SANBR: variants seen among roughly 807,000 people sequenced by gnomAD.
SANBR encodes SANT and BTB domain regulator of CSR, also known as SANT and BTB domain regulator of class switch recombination.
A neutral mutation model predicts 101.8 loss-of-function variants in SANBR; 77 were observed. That is an observed-to-expected ratio of 0.76 (90% confidence interval 0.63 to 0.91). The LOEUF (loss-of-function observed/expected upper bound fraction) is 0.91, where lower values mean the gene tolerates loss of function less well. Ranked by LOEUF, SANBR falls within the 40% of genes least tolerant of loss-of-function variation. The pLI is 0.00. For synonymous variants in SANBR, 279 were observed against 274.7 expected (o/e 1.02, Z -0.15); for missense variants, 875 against 853.0 (o/e 1.03, Z -0.32).
chr2:61,080,036 A>C (rs575116306), intron 6 of SANBR, among the ~76,000 whole-genome samples: 9 of 151,436 alleles, frequency 5.9e-5, no homozygotes, highest in Admixed American at 2.0e-4. Context: ...GTCTCTACTA[A>C]AAGTACAAAA....
At chr2:61,092,660 A>G in intron 11 of SANBR, 73 bp downstream of exon 11, 3 of 1,201,492 alleles carry the variant, frequency 2.5e-6, no homozygotes, top group Middle Eastern at 2.2e-4. Context: ...CTGCTGTTTA[A>G]TTGATATGTT....
chr2:61,134,096 C>T (rs142408649), intron 20 of SANBR: 1,204 of 1,604,344 alleles, frequency 7.5e-4, no homozygotes, highest in Non-Finnish European at 9.3e-4. Flanking sequence ...GTGTGTATAT[C>T]CATCATGCAT....
intron 1 of SANBR, among the ~76,000 whole-genome samples, chr2:61,066,643 C>T (rs937947347): frequency 6.6e-6 from 1 of 152,266 alleles, no homozygotes; most frequent in Non-Finnish European, 1.5e-5. Flanking sequence ...GCCTGCCTGC[C>T]TGCCCCACGG....
At chr2:61,120,328 C>T (rs949216360) in intron 20 of SANBR, among the ~76,000 whole-genome samples, 6 of 152,104 alleles carry the variant, frequency 3.9e-5, no homozygotes, top group South Asian at 2.1e-4. Flanking sequence ...GGTGAAACCC[C>T]GTCTCCACTA....
chr2:61,075,458 C>T (rs770815403), intron 5 of SANBR, among the ~76,000 whole-genome samples: 4 of 150,158 alleles, frequency 2.7e-5, no homozygotes, highest in Non-Finnish European at 3.0e-5. Flanking sequence ...AGGGTTTCAC[C>T]GGGTTACCCA....
intron 8 of SANBR, 48 bp downstream of exon 8, chr2:61,083,362 A>G (rs377234997): frequency 8.9e-5 from 97 of 1,089,682 alleles, no homozygotes; most frequent in Non-Finnish European, 1.2e-4. Flanking sequence ...GTTAAAAGAA[A>G]TATATTTCTA....
At chr2:61,127,601 C>T (rs1335043332), downstream of SANBR, among the ~76,000 whole-genome samples, 2 of 152,126 alleles carry the variant, frequency 1.3e-5, no homozygotes, top group Non-Finnish European at 2.9e-5. Flanking sequence ...ATAAGCTCAC[C>T]AAAGTGATTA....
Position 61,071,693 on chromosome 2 carries a change from C to G in SANBR, c.238C>G (p.Pro80Ala). 6.2e-7 allele frequency: 1 copy of G among 1,606,072 alleles called. No individual in the cohort carries two copies. Among genetic ancestry groups the G allele is most frequent in the Non-Finnish European group, 8.5e-7 (1 of 1,176,824 alleles). ...YNSLMAAGES[P>A]VETLATYIKS... ...TTCCCTAATGGCTGCTGGAGAGAGT[C>G]CTGTTGAAACTTTAGCCACATATAT... Residue 80 changes from proline to alanine, a missense_variant, in exon 4 of 22, where the codon CCT (proline) becomes GCT (alanine). Physicochemically the swap from Pro to Ala is conservative, Grantham distance 27 (BLOSUM62 -1). Transcript: ENST00000402291.
At chr2:61,081,641 A>T in intron 7 of SANBR, 131 bp downstream of exon 7, 1 of 1,013,612 alleles carries the variant, frequency 9.9e-7, no homozygotes, top group South Asian at 1.8e-5. Flanking sequence ...AAAATTGTTA[A>T]TTCAGGAATA....
intron 16 of SANBR, 53 bp downstream of exon 16, chr2:61,109,349 T>C (rs1683712459): frequency 2.0e-6 from 2 of 1,018,762 alleles, no homozygotes; most frequent in African/African-American, 3.2e-5. Context: ...GGGGTTACAT[T>C]CTGAAGCCTT....
At chr2:61,130,986 A>G (rs1573684708) in intron 20 of SANBR, among the ~76,000 whole-genome samples, 1 of 149,832 alleles carries the variant, frequency 6.7e-6, no homozygotes, top group Non-Finnish European at 1.5e-5. Context: ...ATAGATGCAT[A>G]AAAAGCAATC....
At chr2:61,100,881 C>G (rs1683249241) in intron 12 of SANBR, among the ~76,000 whole-genome samples, 1 of 152,094 alleles carries the variant, frequency 6.6e-6, no homozygotes. Flanking sequence ...ATCACTCTCT[C>G]CAGTAACCCT....
chr2:61,134,185 A>C (rs1367381662), exon 21 of SANBR: 1 of 1,613,050 alleles, frequency 6.2e-7, no homozygotes. Context: ...GAGCAACAGA[A>C]AAAGTGGTTT....
downstream of SANBR, chr2:61,124,290 A>G (rs1684449071): frequency 1.0e-6 from 1 of 954,458 alleles, no homozygotes; most frequent in Non-Finnish European, 1.2e-6. Flanking sequence ...AGTTGTTTGG[A>G]AAGTCTCTTT....
chr2:61,077,643 A>G (rs1049849110), intron 6 of SANBR, among the ~76,000 whole-genome samples: 2 of 152,204 alleles, frequency 1.3e-5, no homozygotes, highest in African/African-American at 4.8e-5. Flanking sequence ...TCCTTGGTAA[A>G]GCAGTAAAAA....
At chr2:61,087,360 C>T (rs1323577302) in intron 8 of SANBR, among the ~76,000 whole-genome samples, 2 of 151,806 alleles carry the variant, frequency 1.3e-5, no homozygotes, top group East Asian at 3.9e-4. Flanking sequence ...AGTCTGAGGC[C>T]AGCCTGGGCA....
intron 10 of SANBR, chr2:61,090,285 A>G (rs540553098): frequency 6.6e-5 from 10 of 152,332 alleles, no homozygotes; most frequent in African/African-American, 1.7e-4. Context: ...TCTTTTTTCT[A>G]TATTACAAAT....
intron 16 of SANBR, 41 bp from the exon 17 acceptor site, chr2:61,115,938 A>AT: frequency 7.9e-7 from 1 of 1,269,892 alleles, no homozygotes; most frequent in Non-Finnish European, 1.1e-6. Flanking sequence ...CTGGAAAAGT[A>AT]TATGGGGCCT....
At chr2:61,114,649 G>A (rs935351436) in intron 16 of SANBR, among the ~76,000 whole-genome samples, 1 of 152,054 alleles carries the variant, frequency 6.6e-6, no homozygotes, top group Admixed American at 6.6e-5. Context: ...ATACATGCAT[G>A]TGTATATACA....
Sources: gnomAD v4.1 joint callset for allele counts (sites outside exome capture counted in the v4.1 genomes callset) on GRCh38, gnomAD v4.1.1 for gene constraint, MANE v1.5 for transcripts, NCBI Gene and HGNC (gene_info 2026-07-23, HGNC 2026-07-21) for gene names.